NHS: variants seen among roughly 807,000 people sequenced by gnomAD.
NHS encodes the protein NHS actin remodeling regulator.
In NHS, 5 loss-of-function variants were observed where a neutral mutation model predicts 72.5. The observed-to-expected ratio is 0.07, with a 90% CI of 0.04 to 0.14. NHS has a LOEUF of 0.14. Ranked by LOEUF, NHS falls within the 10% of genes least tolerant of loss-of-function variation. The pLI, the probability that NHS is intolerant of heterozygous loss-of-function variation, is 1.00. For missense variants in NHS, 1,072 were observed against 1,355.7 expected, an observed-to-expected ratio of 0.79 and a Z score of 3.29; for synonymous variants, 464 against 547.7, an observed-to-expected ratio of 0.85 and a Z score of 2.13.
chrX:17,421,383 G>A (rs1221121019), intron 1 of NHS, among the ~76,000 whole-genome samples: 3 of 110,187 alleles, frequency 2.7e-5, no homozygotes, highest in Non-Finnish European at 5.7e-5. Context: ...TTCCTGCCTT[G>A]TTTTCTAGCT....
intron 1 of NHS, among the ~76,000 whole-genome samples, chrX:17,495,177 C>T (rs1445135071): frequency 8.9e-6 from 1 of 111,889 alleles, no homozygotes; most frequent in Admixed American, 9.5e-5. Context: ...ACATCCATTA[C>T]ATGATACTCT....
At chrX:17,710,325 A>C (rs2066322478) in intron 3 of NHS, among the ~76,000 whole-genome samples, 1 of 112,635 alleles carries the variant, frequency 8.9e-6, no homozygotes, top group African/African-American at 3.2e-5. Context: ...CTGGCTGTGG[A>C]ACTGTCAATA....
chrX:17,601,540 G>A (rs192509604), intron 1 of NHS, among the ~76,000 whole-genome samples: 76 of 111,868 alleles, frequency 6.8e-4, no homozygotes, highest in Non-Finnish European at 1.3e-3. Context: ...ATTTGATGAT[G>A]GAAAGGAGCC....
chrX:17,697,135 A>T (rs953988140), intron 3 of NHS, among the ~76,000 whole-genome samples: 1 of 111,219 alleles, frequency 9.0e-6, no homozygotes, highest in Non-Finnish European at 1.9e-5. Context: ...CTTCTGGGGG[A>T]GACAAAAGAC....
chrX:17,566,791 G>A (rs1251623819), intron 1 of NHS, among the ~76,000 whole-genome samples: 1 of 110,504 alleles, frequency 9.0e-6, no homozygotes, highest in Non-Finnish European at 1.9e-5. Context: ...AGAGGAAACT[G>A]AGAATTCCTT....
chrX:17,649,175 G>A (rs1396244389), intron 1 of NHS, among the ~76,000 whole-genome samples: 1 of 111,870 alleles, frequency 8.9e-6, no homozygotes, highest in African/African-American at 3.3e-5. Context: ...TCTTTGCAAT[G>A]TTTGCAAACA....
chrX:17,549,775 GGACCGGA>G (rs1209659576), intron 1 of NHS, among the ~76,000 whole-genome samples: 1 of 111,340 alleles, frequency 9.0e-6, no homozygotes, highest in Non-Finnish European at 1.9e-5. Context: ...GGGGGATGAG[GGACCGGA>G]GGGAGCAGGA....
chrX:17,400,402 A>G (rs183264325), intron 1 of NHS, among the ~76,000 whole-genome samples: 75 of 111,512 alleles, frequency 6.7e-4, no homozygotes, highest in Non-Finnish European at 5.7e-5. Flanking sequence ...CCTGGCCAAG[A>G]TGATGAAACC....
chrX:17,376,736 A>G (rs1418728534), intron 1 of NHS, among the ~76,000 whole-genome samples: 1 of 112,392 alleles, frequency 8.9e-6, no homozygotes, highest in Non-Finnish European at 1.9e-5. Flanking sequence ...CCCAGCCCTG[A>G]GCCCTGTAGC....
intron 1 of NHS, among the ~76,000 whole-genome samples, chrX:17,422,842 G>A (rs1601699450): frequency 9.0e-6 from 1 of 111,607 alleles, no homozygotes; most frequent in Admixed American, 9.5e-5. Context: ...TATGTACTTG[G>A]TTGAGTGAAG....
chrX:17,465,404 G>A (rs751792678), intron 1 of NHS, among the ~76,000 whole-genome samples: 5 of 111,678 alleles, frequency 4.5e-5, no homozygotes, highest in South Asian at 3.8e-4. Context: ...CAAGACAGCC[G>A]CAGAGATATT....
chrX:17,713,949 G>T (rs962874617), intron 3 of NHS, among the ~76,000 whole-genome samples: 1 of 111,437 alleles, frequency 9.0e-6, no homozygotes, highest in African/African-American at 3.3e-5. Flanking sequence ...GCTAGGGAAA[G>T]GATTTGAGGA....
intron 1 of NHS, among the ~76,000 whole-genome samples, chrX:17,490,547 G>A (rs1183248937): frequency 8.9e-6 from 1 of 112,331 alleles, no homozygotes; most frequent in Non-Finnish European, 1.9e-5. Context: ...ATAGTTTGAA[G>A]TCAGGTAGCA....
chrX:17,387,029 G>A (rs1334775237), intron 1 of NHS, among the ~76,000 whole-genome samples: 2 of 112,192 alleles, frequency 1.8e-5, no homozygotes, highest in African/African-American at 6.5e-5. Flanking sequence ...CCACATCTTC[G>A]ATAAAATTAT....
chrX:17,413,957 G>A (rs2064577264), intron 1 of NHS, among the ~76,000 whole-genome samples: 1 of 111,989 alleles, frequency 8.9e-6, no homozygotes, highest in Admixed American at 9.5e-5. Flanking sequence ...CAGGCTGCAG[G>A]TCTTACCTTC....
In NHS at chrX:17,726,310, G is replaced by A. The variant is rs193921046; in HGVS notation, c.2204G>A (p.Arg735His). 44 of 1,210,438 alleles carry A rather than the reference G, an allele frequency of 3.6e-5. No individual in the cohort carries two copies. The East Asian group carries it at 5.0e-4, about 14-fold the overall frequency. Residue 735 changes from arginine (R) to histidine (H), a missense_variant, in exon 7 of 9, where the codon CGC (arginine) becomes CAC (histidine). By Grantham distance (29) the Arg-to-His change is conservative. Coordinates refer to ENST00000676302, the MANE Select transcript of NHS (RefSeq NM_001291867.2). ...YLHHHHDASC[R>H]QDFSPERPKA... ...CACCACCACCATGATGCCTCCTGCC[G>A]CCAGGATTTTAGTCCTGAGCGTCCC...
chrX:17,722,210 G>A (rs2066410669), intron 5 of NHS, among the ~76,000 whole-genome samples: 1 of 112,003 alleles, frequency 8.9e-6, no homozygotes, highest in Non-Finnish European at 1.9e-5. Context: ...TACTGAGAGT[G>A]TGAATATTAG....
intron 1 of NHS, among the ~76,000 whole-genome samples, chrX:17,429,908 T>C (rs2064679627): frequency 9.0e-6 from 1 of 111,611 alleles, no homozygotes; most frequent in African/African-American, 3.3e-5. Context: ...TTGGGCCCAG[T>C]CTCCTCCTTC....
intron 1 of NHS, among the ~76,000 whole-genome samples, chrX:17,400,752 GA>G (rs1489019775): frequency 6.2e-5 from 7 of 112,118 alleles, no homozygotes; most frequent in African/African-American, 2.3e-4. Flanking sequence ...TAAATAAATA[GA>G]AAGACATCTT....
Sources: gnomAD v4.1 joint callset for allele counts (sites outside exome capture counted in the v4.1 genomes callset) on GRCh38, gnomAD v4.1.1 for gene constraint, MANE v1.5 for transcripts, NCBI Gene and HGNC (gene_info 2026-07-23, HGNC 2026-07-21) for gene names.